ROCK2: variants seen among roughly 807,000 people sequenced by gnomAD.
The protein encoded by ROCK2 is Rho associated coiled-coil containing protein kinase 2.
A neutral mutation model predicts 195.1 loss-of-function variants in ROCK2; 61 were observed. That is an observed-to-expected ratio of 0.31 (90% CI 0.25 to 0.39). The LOEUF is 0.39. Ranked by LOEUF, ROCK2 falls within the 10% of genes least tolerant of loss-of-function variation. ROCK2 has a pLI of 1.00. For missense variants in ROCK2, 1,109 were observed against 1,637.4 expected, an observed-to-expected ratio of 0.68 and a Z score of 5.57; for synonymous variants, 504 against 545.5, an observed-to-expected ratio of 0.92 and a Z score of 1.06.
Position 11,198,480 on chromosome 2 carries a change from A to G in ROCK2, c.3099+11T>C. ...AAATTCAAAATCATATTTAGATTCT[A>G]TTATACATACTTGAGTTTTGAGTGT... On this transcript the variant is annotated intron_variant, in intron 25 of 32. Coordinates refer to ENST00000315872, the MANE Select transcript of ROCK2 (RefSeq NM_004850.5). The G allele has an allele frequency of 6.5e-7, 1 of 1,543,236 alleles. No individual in the cohort carries two copies. Among genetic ancestry groups the G allele is most frequent in the Non-Finnish European group, 8.9e-7 (1 of 1,117,948 alleles).
At chr2:11,204,152 T>C (rs1214090300) in intron 20 of ROCK2, among the ~76,000 whole-genome samples, 1 of 152,160 alleles carries the variant, frequency 6.6e-6, no homozygotes, top group Non-Finnish European at 1.5e-5. Flanking sequence ...TTCATTTGTG[T>C]TTTATCTTTT....
intron 5 of ROCK2, chr2:11,234,110 TAATAAATAAA>T (rs1328540827): frequency 6.6e-6 from 1 of 151,978 alleles, no homozygotes; most frequent in Non-Finnish European, 1.5e-5. Flanking sequence ...TTATTAAAAA[TAATAAATAAA>T]AATAAATAAA....
At chr2:11,302,590 T>C (rs1225980953) in intron 1 of ROCK2, among the ~76,000 whole-genome samples, 2 of 152,160 alleles carry the variant, frequency 1.3e-5, no homozygotes, top group East Asian at 1.9e-4. Flanking sequence ...TGCTCTAGAT[T>C]TGTATTGTCC....
intron 1 of ROCK2, among the ~76,000 whole-genome samples, chr2:11,306,400 C>CT (rs1667859429): frequency 6.6e-6 from 1 of 152,098 alleles, no homozygotes; most frequent in African/African-American, 2.4e-5. Flanking sequence ...TTCGCATTAT[C>CT]TTTGTTTTAC....
intron 3 of ROCK2, among the ~76,000 whole-genome samples, chr2:11,261,832 T>G (rs570049622): frequency 1.6e-4 from 24 of 152,100 alleles, no homozygotes; most frequent in South Asian, 6.2e-4. Flanking sequence ...CTTAAATAAA[T>G]AAAGAAAGAA....
At chr2:11,317,608 ATATAT>A (rs1296194818) in intron 1 of ROCK2, among the ~76,000 whole-genome samples, 7 of 15,942 alleles carry the variant, frequency 4.4e-4, no homozygotes, top group African/African-American at 5.8e-4. Flanking sequence ...ATATATATAT[ATATAT>A]TTTTTTTTTT....
At chr2:11,287,343 T>G (rs1297974989) in intron 2 of ROCK2, among the ~76,000 whole-genome samples, 1 of 152,194 alleles carries the variant, frequency 6.6e-6, no homozygotes. Context: ...CTGGGCAATA[T>G]TAAGTCTTGG....
At chr2:11,324,760 A>C (rs1221800352) in intron 1 of ROCK2, among the ~76,000 whole-genome samples, 1 of 152,258 alleles carries the variant, frequency 6.6e-6, no homozygotes, top group Admixed American at 6.5e-5. Context: ...CCTGGCACAT[A>C]GTAAGAGATG....
In ROCK2 at chr2:11,192,602, A is replaced by G. The variant is rs369381501; in HGVS notation, c.3798T>C (p.Thr1266=). Residue 1266 remains threonine, a synonymous_variant, in exon 31 of 33, where the codon ACT becomes ACC. Transcript: ENST00000315872. This position sits in a 1 kb window ranked among gnomAD's most constrained non-coding sequence, Gnocchi z 5.0. ...ICHKGHEFIP[T]LYHFPTNCEA... ...CACAGTTGGTTGGGAAATGATAAAG[A>G]GTAGGAATAAACTCATGTCCCTTGT... 1.2e-6 allele frequency: 2 copies of G among 1,614,102 alleles called. No homozygotes were observed. Among genetic ancestry groups the G allele is most frequent in the South Asian group, 1.1e-5 (1 of 91,076 alleles).
chr2:11,283,048 C>G (rs1667061056), intron 3 of ROCK2, among the ~76,000 whole-genome samples: 1 of 152,018 alleles, frequency 6.6e-6, no homozygotes, highest in African/African-American at 2.4e-5. Context: ...GGGCAGATTG[C>G]CTGAGGTCAG....
chr2:11,246,098 T>C (rs970790023), intron 4 of ROCK2, among the ~76,000 whole-genome samples: 10 of 152,136 alleles, frequency 6.6e-5, no homozygotes, highest in South Asian at 6.2e-4. Flanking sequence ...TGAGCACAAA[T>C]AGCTGGTAAC....
intron 3 of ROCK2, among the ~76,000 whole-genome samples, chr2:11,282,733 A>G (rs568675861): frequency 6.6e-6 from 1 of 152,282 alleles, no homozygotes; most frequent in Admixed American, 6.5e-5. Flanking sequence ...AACCCAAGAA[A>G]GAAAGAACTG....
rs867497213 is a variant in ROCK2, at chr2:11,335,110, C to G, written c.141+8886G>C. 2.6e-3 allele frequency among the ~76,000 whole-genome samples: 14 copies of G among 5,290 alleles called. No homozygotes were observed. In the South Asian group the frequency reaches 0.13, roughly 50 times the overall value. 3.5% of individuals were successfully genotyped at this position (5,290 alleles called of 152,430 possible). On this transcript the variant is annotated intron_variant, in intron 1 of 32. Transcript: ENST00000315872. ...TCCAAATAGTTCCCTTTGACTGATA[C>G]ACACACACACACACACACACACACA...
At chr2:11,256,590 T>C (rs1666043849) in intron 3 of ROCK2, among the ~76,000 whole-genome samples, 2 of 150,136 alleles carry the variant, frequency 1.3e-5, no homozygotes, top group South Asian at 2.1e-4. Context: ...TATATAAATA[T>C]ATACATAAGT....
intron 1 of ROCK2, among the ~76,000 whole-genome samples, chr2:11,318,130 T>TAATG (rs2148243340): frequency 6.6e-6 from 1 of 152,320 alleles, no homozygotes; most frequent in South Asian, 2.1e-4. Flanking sequence ...ATATACCCAC[T>TAATG]AATGGGATGG....
chr2:11,343,940 G>C, intron 1 of ROCK2, 56 bp downstream of exon 1: 1 of 1,548,066 alleles, frequency 6.5e-7, no homozygotes, highest in Non-Finnish European at 8.7e-7. Flanking sequence ...GCTGGGCGGA[G>C]AGGGGATCTG....
At chr2:11,185,779 A>G (rs1224337972) in intron 32 of ROCK2, among the ~76,000 whole-genome samples, 4 of 151,730 alleles carry the variant, frequency 2.6e-5, no homozygotes, top group Non-Finnish European at 5.9e-5. Context: ...AATAAAAAAA[A>G]GCAGTAACTT....
At chr2:11,282,804 GA>G (rs1223722723) in intron 3 of ROCK2, among the ~76,000 whole-genome samples, 4 of 152,028 alleles carry the variant, frequency 2.6e-5, no homozygotes, top group Admixed American at 2.0e-4. Context: ...TCAAGAGGAT[GA>G]GAAGAAAAAC....
chr2:11,339,976 A>G (rs1669053341), intron 1 of ROCK2, among the ~76,000 whole-genome samples: 1 of 152,228 alleles, frequency 6.6e-6, no homozygotes, highest in Admixed American at 6.5e-5. Context: ...TTAGAATTCA[A>G]AATGGGAAAA....
Sources: allele counts gnomAD v4.1 joint callset (sites outside exome capture counted in the v4.1 genomes callset), GRCh38; gene constraint gnomAD v4.1.1; non-coding constraint Gnocchi (gnomAD v3.1); transcripts MANE v1.5; gene names NCBI Gene and HGNC (gene_info 2026-07-23, HGNC 2026-07-21).